The following PTPRT variants were observed in gnomAD, a reference collection of about 807,000 sequenced individuals.
PTPRT encodes receptor-type tyrosine-protein phosphatase T.
In PTPRT, 56 loss-of-function variants were observed where a neutral mutation model predicts 176.8. That is an observed-to-expected ratio of 0.32 (90% CI 0.26 to 0.40). The LOEUF (loss-of-function observed/expected upper bound fraction) is 0.40. Ranked by LOEUF, PTPRT falls within the 10% of genes least tolerant of loss-of-function variation. PTPRT has a pLI of 1.00. For missense variants in PTPRT, 1,540 were observed against 1,908.2 expected (o/e 0.81, Z 3.60); for synonymous variants, 783 against 739.0 (o/e 1.06, Z -0.96).
chr20:42,208,333 A>G (rs1211339876), intron 15 of PTPRT, among the ~76,000 whole-genome samples: 2 of 151,552 alleles, frequency 1.3e-5, no homozygotes, highest in African/African-American at 4.9e-5. Flanking sequence ...CTCCAATTAA[A>G]AGACACAGAC....
intron 13 of PTPRT, among the ~76,000 whole-genome samples, chr20:42,260,183 ATT>A (rs1446132644): frequency 1.3e-5 from 2 of 152,010 alleles, no homozygotes; most frequent in Non-Finnish European, 2.9e-5. Flanking sequence ...TACAAACTTG[ATT>A]TCCACGTCAT....
chr20:43,151,272 C>T (rs2014344022), intron 1 of PTPRT, among the ~76,000 whole-genome samples: 2 of 143,216 alleles, frequency 1.4e-5, no homozygotes, highest in African/African-American at 5.2e-5. Flanking sequence ...TGCCATTGCA[C>T]ATTGCACTCC....
At chr20:42,560,766 G>T (rs1026304977) in intron 7 of PTPRT, among the ~76,000 whole-genome samples, 3 of 152,124 alleles carry the variant, frequency 2.0e-5, no homozygotes, top group African/African-American at 4.8e-5. Context: ...AGTGACTAGG[G>T]CTCCCGCATA....
At chr20:42,877,046 A>C (rs1276992735) in intron 2 of PTPRT, among the ~76,000 whole-genome samples, 1 of 152,210 alleles carries the variant, frequency 6.6e-6, no homozygotes, top group Non-Finnish European at 1.5e-5. Flanking sequence ...TTGTGGTTGA[A>C]ACAAGAGATA....
At chr20:42,319,103 C>T (rs2145390775) in intron 11 of PTPRT, among the ~76,000 whole-genome samples, 1 of 152,280 alleles carries the variant, frequency 6.6e-6, no homozygotes, top group South Asian at 2.1e-4. Context: ...TCTTTCTCCC[C>T]ACCAATCTGA....
At chr20:42,410,236 A>G (rs1169482874) in intron 9 of PTPRT, among the ~76,000 whole-genome samples, 1 of 152,158 alleles carries the variant, frequency 6.6e-6, no homozygotes, top group Non-Finnish European at 1.5e-5. Flanking sequence ...ATAAAAGAAA[A>G]GTAACAAAGG....
intron 11 of PTPRT, among the ~76,000 whole-genome samples, chr20:42,327,080 G>GGTGTGTGTGTGTGT (rs139401290): frequency 1.4e-5 from 2 of 146,332 alleles, no homozygotes; most frequent in Non-Finnish European, 3.0e-5. Flanking sequence ...ACTAGGTAGG[G>GGTGTGTGTGTGTGT]GTGTGTGTGT....
At chr20:42,894,418 C>T (rs1189729433) in intron 1 of PTPRT, among the ~76,000 whole-genome samples, 5 of 152,102 alleles carry the variant, frequency 3.3e-5, no homozygotes, top group African/African-American at 2.4e-5. Context: ...CAGCACTGTT[C>T]TCAGTGTTCA....
chr20:42,037,997 A>G, the PTPRT span, among the ~76,000 whole-genome samples: 9 of 152,184 alleles, frequency 5.9e-5, no homozygotes, highest in Non-Finnish European at 1.3e-4. Context: ...ACTATGCATT[A>G]GCTAGCTGTA....
intron 6 of PTPRT, among the ~76,000 whole-genome samples, chr20:42,690,282 T>C (rs2075771142): frequency 6.6e-6 from 1 of 152,054 alleles, no homozygotes; most frequent in African/African-American, 2.4e-5. Flanking sequence ...ACAAGAGTTT[T>C]AGGGACAACT....
intron 1 of PTPRT, among the ~76,000 whole-genome samples, chr20:42,890,084 C>G (rs1023151503): frequency 6.6e-6 from 1 of 152,168 alleles, no homozygotes; most frequent in Non-Finnish European, 1.5e-5. Flanking sequence ...GAAACAACAT[C>G]TGCACAAGGG....
At position 42,681,917 on chromosome 20, in the gene PTPRT, T is replaced by A. The variant is rs188708834; in HGVS notation, c.860-3758A>T. On this transcript the variant is annotated intron_variant, in intron 6 of 30. Transcript: ENST00000373187. ...CATGAGTAAATCTCAAAAAAATTCATGCAAAAGAAAAATAAAAGAATGCAT... is the reference window on the plus strand; with the variant it reads ...CATGAGTAAATCTCAAAAAAATTCAAGCAAAAGAAAAATAAAAGAATGCAT... Among the ~76,000 whole-genome samples the A allele has an allele frequency of 4.6e-5, 7 of 152,228 alleles. No individual in the cohort carries two copies. In the East Asian group the frequency reaches 1.4e-3, roughly 29 times the overall value.
At chr20:42,414,839 A>T (rs574873807) in intron 9 of PTPRT, among the ~76,000 whole-genome samples, 1 of 152,254 alleles carries the variant, frequency 6.6e-6, no homozygotes, top group Non-Finnish European at 1.5e-5. Flanking sequence ...ATGCAGATAG[A>T]ATATAAATCC....
chr20:42,413,364 G>T (rs543660820), intron 9 of PTPRT, among the ~76,000 whole-genome samples: 11 of 152,120 alleles, frequency 7.2e-5, no homozygotes, highest in Middle Eastern at 3.4e-3. Flanking sequence ...ATTCCTTTAA[G>T]AAAAAAGTAA....
intron 6 of PTPRT, among the ~76,000 whole-genome samples, chr20:42,724,792 T>G (rs1468811525): frequency 6.6e-6 from 1 of 152,040 alleles, no homozygotes; most frequent in East Asian, 1.9e-4. Context: ...TCTTCCAATC[T>G]CTTCTTCTTT....
At chr20:42,651,204 T>C (rs1186704209) in intron 7 of PTPRT, among the ~76,000 whole-genome samples, 1 of 152,080 alleles carries the variant, frequency 6.6e-6, no homozygotes. Context: ...AGATGGAAAG[T>C]CTAAAAATGA....
chr20:42,089,481 T>TAATAAGATTTAATA (rs1447962282), intron 27 of PTPRT, among the ~76,000 whole-genome samples: 5 of 152,198 alleles, frequency 3.3e-5, no homozygotes, highest in South Asian at 4.2e-4. Context: ...GAATGATTTG[T>TAATAAGATTTAATA]CTCTTTTAAT....
intron 1 of PTPRT, among the ~76,000 whole-genome samples, chr20:43,082,753 AC>A (rs1245392745): frequency 4.0e-5 from 6 of 151,782 alleles, no homozygotes; most frequent in Non-Finnish European, 5.9e-5. Flanking sequence ...ATAGAAATTG[AC>A]CCCCCCAAGT....
intron 1 of PTPRT, among the ~76,000 whole-genome samples, chr20:42,905,859 T>G (rs574365842): frequency 6.7e-6 from 1 of 149,942 alleles, no homozygotes; most frequent in African/African-American, 2.5e-5. Flanking sequence ...TAGGTGGGAA[T>G]TGAACAATGA....
Sources: allele counts gnomAD v4.1 joint callset (sites outside exome capture counted in the v4.1 genomes callset), GRCh38; gene constraint gnomAD v4.1.1; transcripts MANE v1.5; gene names NCBI Gene and HGNC (gene_info 2026-07-23, HGNC 2026-07-21).